ADGRL2: variants seen among roughly 807,000 people sequenced by gnomAD.
ADGRL2 encodes adhesion G protein-coupled receptor L2.
Under a neutral mutation model 157.4 loss-of-function variants are expected in ADGRL2, and 44 were observed. The observed-to-expected ratio is 0.28, with a 90% confidence interval of 0.22 to 0.36. ADGRL2 has a LOEUF of 0.36. Among genes scored for constraint, ADGRL2 ranks in the 10% least tolerant of loss-of-function variants. The pLI is 1.00. For missense variants in ADGRL2, 1,510 were observed against 1,768.9 expected, an observed-to-expected ratio of 0.85 and a Z score of 2.63; for synonymous variants, 585 against 624.7, an observed-to-expected ratio of 0.94 and a Z score of 0.95.
chr1:81,450,327 C>T (rs765685645), intron 2 of ADGRL2, among the ~76,000 whole-genome samples: 2 of 152,090 alleles, frequency 1.3e-5, no homozygotes, highest in Non-Finnish European at 2.9e-5. Flanking sequence ...ATCATAATAC[C>T]ATTAGGTACT....
At chr1:81,939,328 A>T (rs2095354167) in intron 4 of ADGRL2, among the ~76,000 whole-genome samples, 1 of 151,562 alleles carries the variant, frequency 6.6e-6, no homozygotes, top group African/African-American at 2.4e-5. Flanking sequence ...GCATATATTT[A>T]TATTTGAAAG....
intron 1 of ADGRL2, among the ~76,000 whole-genome samples, chr1:81,831,195 T>C (rs2091920970): frequency 6.6e-6 from 1 of 152,220 alleles, no homozygotes; most frequent in Admixed American, 6.5e-5. Flanking sequence ...AATATTTATG[T>C]ATTTATTCTT....
intron 1 of ADGRL2, among the ~76,000 whole-genome samples, chr1:81,755,589 AC>A (rs1289898739): frequency 6.6e-5 from 10 of 152,096 alleles, no homozygotes; most frequent in African/African-American, 2.4e-4. Flanking sequence ...TTACTGAGAA[AC>A]TGCTTTTGAA....
chr1:81,373,010 A>G (rs750109933), intron 1 of ADGRL2, among the ~76,000 whole-genome samples: 2 of 152,322 alleles, frequency 1.3e-5, no homozygotes, highest in East Asian at 3.9e-4. Context: ...TCTCTGATTC[A>G]GTATGTCTTG....
Position 81,353,333 on chromosome 1 carries a change from G to A in ADGRL2, c.-302+46824G>A, listed in dbSNP as rs185673708. Among the ~76,000 whole-genome samples, 216 of 152,212 alleles carry A rather than the reference G, an allele frequency of 1.4e-3. 1 individual carries two copies. The highest frequency in any genetic ancestry group is 4.9e-3 in the African/African-American group (202 of 41,536). ...GGAGCCTCTGAAGATTTTTGAGCAG[G>A]TAAAGGCCACAACCAGATTTGCTTG... On this transcript the variant is annotated intron_variant, in intron 1 of 24. Coordinates refer to the ADGRL2 transcript ENST00000370721.
intron 1 of ADGRL2, among the ~76,000 whole-genome samples, chr1:81,311,318 C>T (rs1029347124): frequency 6.6e-6 from 1 of 152,088 alleles, no homozygotes; most frequent in African/African-American, 2.4e-5. Flanking sequence ...TAATCAAGTG[C>T]CCTTTCTGTA....
chr1:81,943,291 T>C lies in ADGRL2; in HGVS notation c.732T>C (p.Ser244=), dbSNP rs1572267000. ...VKFDLRTRIK[S]GEAIINYANY... Reference sequence around the variant, plus strand: ...TTGACTTGAGGACTAGAATTAAGAGTGGCGAGGCCATAATTAACTATGCCA... The same window carrying C: ...TTGACTTGAGGACTAGAATTAAGAGCGGCGAGGCCATAATTAACTATGCCA... Residue 244 remains serine, a synonymous_variant, in exon 6 of 24, where the codon AGT becomes AGC. Transcript: ENST00000686636. This position sits in a 1 kb window ranked among gnomAD's most constrained non-coding sequence, Gnocchi z 5.6. 2 of 1,613,250 alleles carry C rather than the reference T, an allele frequency of 1.2e-6. No individual in the cohort carries two copies. The highest frequency in any genetic ancestry group is 1.7e-6 in the Non-Finnish European group (2 of 1,179,664).
intron 1 of ADGRL2, among the ~76,000 whole-genome samples, chr1:81,815,356 G>GT (rs2090292755): frequency 1.3e-5 from 2 of 151,910 alleles, no homozygotes; most frequent in Non-Finnish European, 3.0e-5. Context: ...GCATCATGCT[G>GT]TGTTATCTCT....
chr1:81,709,605 T>C (rs1213474957), intron 1 of ADGRL2, among the ~76,000 whole-genome samples: 1 of 152,106 alleles, frequency 6.6e-6, no homozygotes, highest in Non-Finnish European at 1.5e-5. Context: ...AACTTTATTC[T>C]TGTTTCTGTG....
chr1:81,491,083 T>G (rs2078622164), intron 2 of ADGRL2, among the ~76,000 whole-genome samples: 1 of 152,196 alleles, frequency 6.6e-6, no homozygotes. Flanking sequence ...AAATGTCGCC[T>G]TGGGGGATTA....
chr1:81,454,903 T>G (rs1261624224), intron 2 of ADGRL2, among the ~76,000 whole-genome samples: 1 of 152,124 alleles, frequency 6.6e-6, no homozygotes, highest in African/African-American at 2.4e-5. Context: ...ATAGGTGAGA[T>G]TCCTTTGCAG....
chr1:81,331,537 T>A (rs1012269966), intron 1 of ADGRL2, among the ~76,000 whole-genome samples: 4 of 152,144 alleles, frequency 2.6e-5, no homozygotes, highest in African/African-American at 7.2e-5. Context: ...CCTCAAATAA[T>A]TATTAGCTAT....
intron 1 of ADGRL2, among the ~76,000 whole-genome samples, chr1:81,391,264 T>C (rs1180603276): frequency 1.3e-5 from 2 of 152,302 alleles, no homozygotes; most frequent in Non-Finnish European, 2.9e-5. Context: ...TTGTGGCACT[T>C]GTGCTACAGA....
At chr1:81,745,408 C>A (rs897941211) in intron 1 of ADGRL2, among the ~76,000 whole-genome samples, 3 of 152,064 alleles carry the variant, frequency 2.0e-5, no homozygotes, top group Non-Finnish European at 2.9e-5. Context: ...TCAGTTTCCT[C>A]AATTATAAAA....
At chr1:81,360,934 T>C (rs1278389188) in intron 1 of ADGRL2, among the ~76,000 whole-genome samples, 1 of 151,902 alleles carries the variant, frequency 6.6e-6, no homozygotes, top group Non-Finnish European at 1.5e-5. Flanking sequence ...TGACCTAGTA[T>C]CTATGTGGAA....
chr1:81,758,818 C>T (rs1341322353), intron 1 of ADGRL2, among the ~76,000 whole-genome samples: 1 of 152,178 alleles, frequency 6.6e-6, no homozygotes, highest in Admixed American at 6.6e-5. Flanking sequence ...GAATCCAATT[C>T]TCAGGAACTC....
chr1:81,991,121 A>G lies in ADGRL2; in HGVS notation c.4386A>G (p.Gln1462=), dbSNP rs769668505. The change falls in exon 24 of 24, where the codon CAA becomes CAG. Residue 1462 remains glutamine, a synonymous_variant. Transcript: ENST00000686636. ...CIPEGDVREG[Q]MQLVTSL is the part of the protein sequence containing the mutation. ...CAGAAGGAGATGTTAGAGAAGGACA[A>G]ATGCAGCTGGTTACAAGTCTTTAAT... 1.2e-6 allele frequency: 2 copies of G among 1,607,240 alleles called. No individual in the cohort carries two copies. The highest frequency in any genetic ancestry group is 3.3e-5 in the Admixed American group (2 of 59,894).
rs567135142 is a variant in ADGRL2, at chr1:81,651,084, G to A, written c.-143+70104G>A. On this transcript the variant is annotated intron_variant, in intron 3 of 24. Transcript: ENST00000370721. Reference sequence around the variant, plus strand: ...AAAATCCAAGCTGTGTGGAGTTTAAGGGAGATCAGAATAGAGTCCAAAGTG... The same window carrying A: ...AAAATCCAAGCTGTGTGGAGTTTAAAGGAGATCAGAATAGAGTCCAAAGTG... 3.7e-3 allele frequency among the ~76,000 whole-genome samples: 562 copies of A among 152,282 alleles called. 2 individuals carry two copies. Among genetic ancestry groups the A allele is most frequent in the Non-Finnish European group, 6.0e-3 (409 of 68,026 alleles).
At chr1:81,902,408 G>C (rs1364326155) in intron 2 of ADGRL2, among the ~76,000 whole-genome samples, 1 of 152,128 alleles carries the variant, frequency 6.6e-6, no homozygotes, top group African/African-American at 2.4e-5. Context: ...GACCAGCCTG[G>C]CCAACATGGC....
Sources: allele counts gnomAD v4.1 joint callset (sites outside exome capture counted in the v4.1 genomes callset), GRCh38; gene constraint gnomAD v4.1.1; non-coding constraint Gnocchi (gnomAD v3.1); transcripts MANE v1.5; gene names NCBI Gene and HGNC (gene_info 2026-07-23, HGNC 2026-07-21).